Variants in PREX2 observed in about 807,000 individuals in gnomAD.
PREX2 encodes the protein phosphatidylinositol 3,4,5-trisphosphate-dependent Rac exchanger 2 protein.
PREX2 carries 107 observed loss-of-function variants against 203.2 expected under a neutral mutation model. The ratio of observed to expected loss-of-function variants is 0.53; its 90% CI spans 0.45 to 0.62. PREX2 has a LOEUF of 0.62. PREX2 is among the 20% of genes least tolerant of loss of function. The pLI, the probability that PREX2 is intolerant of heterozygous loss-of-function variation, is 0.00. For missense variants in PREX2, 1,777 were observed against 1,955.9 expected (o/e 0.91, Z 1.72); for synonymous variants, 672 against 663.6 (o/e 1.01, Z -0.19).
intron 32 of PREX2, among the ~76,000 whole-genome samples, chr8:68,135,836 A>G (rs141782609): frequency 2.6e-4 from 40 of 152,342 alleles, no homozygotes; most frequent in African/African-American, 8.4e-4. Flanking sequence ...ATGTCCATCA[A>G]CTGATGAATG....
Position 68,231,408 on chromosome 8 carries a change from A to C in PREX2, c.*30A>C. 1 of 1,594,582 alleles carries C rather than the reference A, an allele frequency of 6.3e-7. No individual in the cohort carries two copies. Among genetic ancestry groups the C allele is most frequent in the East Asian group, 2.3e-5 (1 of 43,814 alleles). ...AACTCCCAAGAAACCAGGCAGGCAGAAGCTCCTGAATGCTGGACTAGACAA... is the reference window on the plus strand; with the variant it reads ...AACTCCCAAGAAACCAGGCAGGCAGCAGCTCCTGAATGCTGGACTAGACAA... On this transcript the variant is annotated 3_prime_UTR_variant, in exon 40 of 40. Coordinates refer to ENST00000288368, the MANE Select transcript of PREX2 (RefSeq NM_024870.4).
At chr8:68,059,999 C>G (rs1808800714) in intron 10 of PREX2, among the ~76,000 whole-genome samples, 1 of 152,218 alleles carries the variant, frequency 6.6e-6, no homozygotes, top group Non-Finnish European at 1.5e-5. Flanking sequence ...CTCCCTGAAT[C>G]AGGCCCACTG....
intron 8 of PREX2, among the ~76,000 whole-genome samples, chr8:68,045,902 A>C (rs1469235268): frequency 6.6e-6 from 1 of 152,088 alleles, no homozygotes; most frequent in Non-Finnish European, 1.5e-5. Context: ...TTCTAAGAAG[A>C]CTATATAGTG....
intron 8 of PREX2, among the ~76,000 whole-genome samples, chr8:68,046,318 CT>C (rs931742051): frequency 2.0e-5 from 3 of 151,996 alleles, no homozygotes; most frequent in Admixed American, 6.6e-5. Flanking sequence ...TTTTGGGCAG[CT>C]GGAGAACTAG....
intron 24 of PREX2, 29 bp from the exon 25 acceptor site, chr8:68,109,387 A>G: frequency 6.4e-7 from 1 of 1,558,760 alleles, no homozygotes; most frequent in South Asian, 1.1e-5. Context: ...GGTGATACAT[A>G]TTACTAAGGA....
rs1808197626 is a variant in PREX2 at position 68,041,503 on chromosome 8, G to A, written c.840-2984G>A. On this transcript the variant is annotated intron_variant, in intron 7 of 39. Transcript: ENST00000288368. Reference sequence around the variant, plus strand: ...ATAGGAATACAACATGTATCTTCATGAGAGGGAACAGATTAGGATTAGAGC... The same window carrying A: ...ATAGGAATACAACATGTATCTTCATAAGAGGGAACAGATTAGGATTAGAGC... Among the ~76,000 whole-genome samples, 2 of 152,136 alleles carry A rather than the reference G, an allele frequency of 1.3e-5. 1 individual carries two copies. The highest frequency in any genetic ancestry group is 4.1e-4 in the South Asian group (2 of 4,828).
intron 7 of PREX2, 58 bp downstream of exon 7, chr8:68,038,350 G>C (rs1808097264): frequency 1.9e-6 from 3 of 1,568,286 alleles, no homozygotes; most frequent in Non-Finnish European, 1.7e-6. Context: ...CTTTCCCTCT[G>C]TGCTTCCCAG....
Position 68,098,961 on chromosome 8 carries a change from T to C in PREX2, c.2554-721T>C, listed in dbSNP as rs1043392331. Among the ~76,000 whole-genome samples, 5 of 89,038 alleles carry C rather than the reference T, an allele frequency of 5.6e-5. 1 individual carries two copies. The Admixed American group carries it at 5.9e-4, about 10-fold the overall frequency. The allele number at this position is 89,038 out of a possible 152,430, so 58.4% of individuals were successfully genotyped here. On this transcript the variant is annotated intron_variant, in intron 22 of 39. Coordinates refer to ENST00000288368, the MANE Select transcript of PREX2 (RefSeq NM_024870.4). Reference sequence around the variant, plus strand: ...GTGTATATATATATATATATATATATATATATATATATATATCTCACATAA... The same window carrying C: ...GTGTATATATATATATATATATATACATATATATATATATATCTCACATAA...
chr8:68,091,732 G>A (rs180777605), intron 20 of PREX2, among the ~76,000 whole-genome samples: 449 of 152,292 alleles, frequency 2.9e-3, no homozygotes, highest in African/African-American at 8.6e-3. Flanking sequence ...AAGTCTCATC[G>A]GAAATGATCA....
intron 1 of PREX2, among the ~76,000 whole-genome samples, chr8:68,012,800 C>T (rs954976459): frequency 2.0e-5 from 3 of 152,074 alleles, no homozygotes; most frequent in East Asian, 3.8e-4. Context: ...TCATTGTATC[C>T]GAGTGGGAAA....
At chr8:68,211,288 C>A (rs1281851269) in intron 37 of PREX2, among the ~76,000 whole-genome samples, 3 of 152,184 alleles carry the variant, frequency 2.0e-5, no homozygotes, top group African/African-American at 4.8e-5. Context: ...ATACATTTGT[C>A]TTTAGCTTCA....
chr8:68,102,031 C>T (rs1810279688), intron 23 of PREX2, among the ~76,000 whole-genome samples: 1 of 152,178 alleles, frequency 6.6e-6, no homozygotes. Flanking sequence ...TCCATTTACT[C>T]ATAGGTAACT....
Position 68,044,719 on chromosome 8 carries a change from G to A in PREX2, c.943+129G>A, listed in dbSNP as rs16934041. On this transcript the variant is annotated intron_variant, in intron 8 of 39. Coordinates refer to ENST00000288368, the MANE Select transcript of PREX2 (RefSeq NM_024870.4). The stretch of plus-strand genomic sequence containing the variant: ...TTAGAAATACTTTGTTAGGTAAAGT[G>A]GTTGGGTAGAGAAAAGAGAAAGGTG... The A allele has an allele frequency of 4.0e-5, 27 of 681,226 alleles. No homozygotes were observed. In the Admixed American group the frequency reaches 5.5e-4, roughly 14 times the overall value. The allele number at this position is 681,226 out of a possible 1,614,324, so 42.2% of individuals were successfully genotyped here. A position where few individuals can be genotyped will look rare whatever the true frequency, so the allele number is the denominator to read the frequency against.
intron 35 of PREX2, among the ~76,000 whole-genome samples, chr8:68,171,572 C>T (rs1051193709): frequency 6.6e-6 from 1 of 152,116 alleles, no homozygotes; most frequent in Non-Finnish European, 1.5e-5. Context: ...TTAAGTACAG[C>T]TGAGGAACAG....
chr8:68,176,061 A>G (rs541329597), intron 35 of PREX2, among the ~76,000 whole-genome samples: 2 of 152,278 alleles, frequency 1.3e-5, no homozygotes, highest in Non-Finnish European at 2.9e-5. Flanking sequence ...TCATAATCCC[A>G]GAACTTGGGA....
Position 68,087,712 on chromosome 8 carries a change from T to C in PREX2, c.2028-12T>C. ...TTACGCTTCATCTTACCTTATTTTC[T>C]GATTGATTTAGGACAGTGAAAATTC... On this transcript the variant is annotated splice_polypyrimidine_tract_variant and intron_variant, in intron 18 of 39. Transcript: ENST00000288368. The C allele has an allele frequency of 6.3e-7, 1 of 1,599,192 alleles. No individual in the cohort carries two copies. The highest frequency in any genetic ancestry group is 8.6e-7 in the Non-Finnish European group (1 of 1,166,408).
chr8:68,161,285 G>A (rs552524760), intron 35 of PREX2, among the ~76,000 whole-genome samples: 1 of 151,986 alleles, frequency 6.6e-6, no homozygotes, highest in African/African-American at 2.4e-5. Context: ...AGTAGAGATG[G>A]GGTTTCACTA....
intron 23 of PREX2, chr8:68,105,269 T>C: frequency 7.3e-7 from 1 of 1,367,782 alleles, no homozygotes. Flanking sequence ...TGCCTCCTCC[T>C]CTCTTAGGAA....
chr8:68,209,692 G>C (rs550175786), intron 37 of PREX2, among the ~76,000 whole-genome samples: 10 of 152,010 alleles, frequency 6.6e-5, no homozygotes, highest in Admixed American at 1.3e-4. Context: ...TCTACATTGG[G>C]GAAAAACTTA....
Sources: allele counts gnomAD v4.1 joint callset (sites outside exome capture counted in the v4.1 genomes callset), GRCh38; gene constraint gnomAD v4.1.1; transcripts MANE v1.5; gene names NCBI Gene and HGNC (gene_info 2026-07-23, HGNC 2026-07-21).